PCSK5: variants seen among roughly 807,000 people sequenced by gnomAD.
The protein encoded by PCSK5 is prohormone convertase 5.
A neutral mutation model predicts 233.2 loss-of-function variants in PCSK5; 129 were observed. That is an observed-to-expected ratio of 0.55 (90% CI 0.48 to 0.64). The LOEUF (loss-of-function observed/expected upper bound fraction) is 0.64, where lower values mean the gene tolerates loss of function less well. Ranked by LOEUF, PCSK5 falls within the 30% of genes least tolerant of loss-of-function variation. The pLI is 0.00. For missense variants in PCSK5, 2,076 were observed against 2,430.1 expected, an observed-to-expected ratio of 0.85 and a Z score of 3.06; for synonymous variants, 825 against 879.2, an observed-to-expected ratio of 0.94 and a Z score of 1.09.
intron 9 of PCSK5, among the ~76,000 whole-genome samples, chr9:76,114,067 T>TA (rs1319644063): frequency 6.6e-6 from 1 of 152,104 alleles, no homozygotes; most frequent in African/African-American, 2.4e-5. Flanking sequence ...CATATACTCT[T>TA]AGAGTTTTTT....
chr9:75,990,223 G>A (rs940651040), intron 3 of PCSK5, among the ~76,000 whole-genome samples: 20 of 152,100 alleles, frequency 1.3e-4, no homozygotes, highest in African/African-American at 4.6e-4. Flanking sequence ...ACCTCCGTAG[G>A]GTCCTGCCTC....
At chr9:76,120,590 G>T (rs1346578461) in intron 9 of PCSK5, among the ~76,000 whole-genome samples, 1 of 151,686 alleles carries the variant, frequency 6.6e-6, no homozygotes, top group Non-Finnish European at 1.5e-5. Flanking sequence ...GTCTTTAACT[G>T]ATTATTGCTT....
chr9:76,342,183 A>T lies in PCSK5; in HGVS notation c.4966+3736A>T, dbSNP rs527346295. On this transcript the variant is annotated intron_variant, in intron 35 of 37. Transcript: ENST00000674117. ...ATGTTTAAAGTAAATGGGATGTCAGAACCTGAGCTTATAAAATATTTTTTT... is the reference window on the plus strand; with the variant it reads ...ATGTTTAAAGTAAATGGGATGTCAGTACCTGAGCTTATAAAATATTTTTTT... Among the ~76,000 whole-genome samples, 3 of 152,268 alleles carry T rather than the reference A, an allele frequency of 2.0e-5. No individual in the cohort carries two copies. In the East Asian group the frequency reaches 5.8e-4, roughly 29 times the overall value.
intron 3 of PCSK5, among the ~76,000 whole-genome samples, chr9:75,992,448 T>C (rs756738403): frequency 2.1e-4 from 32 of 152,334 alleles, no homozygotes; most frequent in South Asian, 6.2e-4. Flanking sequence ...AGAAAAGATC[T>C]TTTATTCCTT....
At chr9:76,160,115 C>G (rs1407552705) in intron 12 of PCSK5, among the ~76,000 whole-genome samples, 1 of 152,116 alleles carries the variant, frequency 6.6e-6, no homozygotes, top group Non-Finnish European at 1.5e-5. Flanking sequence ...GCCACCGCGC[C>G]CAGCTGACTC....
chr9:76,066,144 G>C (rs1220443165), intron 5 of PCSK5, among the ~76,000 whole-genome samples: 1 of 152,036 alleles, frequency 6.6e-6, no homozygotes, highest in East Asian at 1.9e-4. Flanking sequence ...ATGAATTTTA[G>C]GACTTTTTTT....
chr9:75,955,349 G>A (rs1825049413), intron 2 of PCSK5, among the ~76,000 whole-genome samples: 1 of 152,156 alleles, frequency 6.6e-6, no homozygotes, highest in South Asian at 2.1e-4. Context: ...CACAGGCATG[G>A]TTGGAAAATC....
At chr9:75,943,979 A>G (rs1021984298) in intron 2 of PCSK5, among the ~76,000 whole-genome samples, 3 of 152,062 alleles carry the variant, frequency 2.0e-5, no homozygotes, top group Non-Finnish European at 2.9e-5. Context: ...CCTAGGCAAC[A>G]TAGTGAGACC....
chr9:75,929,578 G>A (rs1366443030), intron 1 of PCSK5, among the ~76,000 whole-genome samples: 1 of 152,116 alleles, frequency 6.6e-6, no homozygotes, highest in Non-Finnish European at 1.5e-5. Flanking sequence ...TGCAGTAGGG[G>A]AGGTGCCGCA....
intron 2 of PCSK5, among the ~76,000 whole-genome samples, chr9:75,947,634 G>A (rs577191368): frequency 6.6e-6 from 1 of 152,210 alleles, no homozygotes; most frequent in South Asian, 2.1e-4. Context: ...TTCTAATAAT[G>A]TCCCTTAGGC....
chr9:76,176,473 A>ATT (rs1201240680), intron 14 of PCSK5, among the ~76,000 whole-genome samples: 3 of 152,146 alleles, frequency 2.0e-5, no homozygotes, highest in African/African-American at 7.2e-5. Context: ...TTGCCTTATT[A>ATT]TTCTTCCAGA....
chr9:76,279,951 C>T (rs959592496), intron 24 of PCSK5, among the ~76,000 whole-genome samples: 2 of 151,938 alleles, frequency 1.3e-5, no homozygotes, highest in African/African-American at 4.8e-5. Flanking sequence ...TCTTTTGTTG[C>T]CATTGCTTTT....
intron 2 of PCSK5, among the ~76,000 whole-genome samples, chr9:75,934,053 GGTGTTTATTTCTTCTTATCTCA>G (rs1823936798): frequency 6.6e-6 from 1 of 152,110 alleles, no homozygotes; most frequent in Non-Finnish European, 1.5e-5. Flanking sequence ...GGGGCATCTT[GGTGTTTATTTCTTCTTATCTCA>G]GTGCATCACA....
intron 3 of PCSK5, among the ~76,000 whole-genome samples, chr9:76,003,818 A>AT (rs112766069): frequency 0.41 from 61,458 of 151,434 alleles, 12,859 homozygotes; most frequent in Non-Finnish European, 0.46. Context: ...TCTTTTATTT[A>AT]TTTTTTTAGA....
intron 28 of PCSK5, among the ~76,000 whole-genome samples, chr9:76,307,099 C>G (rs1828726448): frequency 7.8e-6 from 1 of 127,744 alleles, no homozygotes; most frequent in Non-Finnish European, 1.6e-5. Context: ...CTCATTTAGT[C>G]TTCACAACAA....
chr9:76,097,430 T>C (rs1831583118), intron 8 of PCSK5, among the ~76,000 whole-genome samples: 10 of 146,098 alleles, frequency 6.8e-5, no homozygotes. Context: ...CGGCTAATTT[T>C]TTTTGTATTT....
chr9:76,328,499 C>G lies in PCSK5; in HGVS notation c.4570+260C>G, dbSNP rs147854815. Among the ~76,000 whole-genome samples, 402 of 152,304 alleles carry G rather than the reference C, an allele frequency of 2.6e-3. 2 individuals are homozygous for G. The highest frequency in any genetic ancestry group is 9.4e-3 in the African/African-American group (391 of 41,562). ...TTGTTCGTGGGCTCTCTCCCCCCTTCTCACTCATTCTCTCTCTCTCTATCG... is the reference window on the plus strand; with the variant it reads ...TTGTTCGTGGGCTCTCTCCCCCCTTGTCACTCATTCTCTCTCTCTCTATCG... On this transcript the variant is annotated intron_variant, in intron 33 of 37. Coordinates refer to ENST00000674117, the MANE Select transcript of PCSK5 (RefSeq NM_001372043.1).
rs375740269 is a variant in PCSK5 at position 76,134,163 on chromosome 9, G to A, written c.1263G>A (p.Ala421=). Residue 421 remains alanine (A), a synonymous_variant, in exon 10 of 38, where the codon GCG becomes GCA. Coordinates refer to ENST00000674117, the MANE Select transcript of PCSK5 (RefSeq NM_001372043.1). ...ATGTTATTGTCAGGACTTCCCGTGCGGGACATTTGAACGCTAATGACTGGA... is the reference window on the plus strand; with the variant it reads ...ATGTTATTGTCAGGACTTCCCGTGCAGGACATTTGAACGCTAATGACTGGA... ...VQHVIVRTSR[A]GHLNANDWKT... is the part of the protein sequence containing the mutation. 2.1e-5 allele frequency: 34 copies of A among 1,609,926 alleles called. No homozygotes were observed. The highest frequency in any genetic ancestry group is 5.4e-5 in the African/African-American group (4 of 74,464).
chr9:75,963,329 C>T (rs953294044), intron 2 of PCSK5, among the ~76,000 whole-genome samples: 11 of 152,186 alleles, frequency 7.2e-5, no homozygotes, highest in African/African-American at 2.4e-4. Context: ...ATTATTCTCA[C>T]ATTTTCAATT....
Sources: allele counts gnomAD v4.1 joint callset (sites outside exome capture counted in the v4.1 genomes callset), GRCh38; gene constraint gnomAD v4.1.1; transcripts MANE v1.5; gene names NCBI Gene and HGNC (gene_info 2026-07-23, HGNC 2026-07-21).